The following JPH1 variants were observed in gnomAD, a reference collection of about 807,000 sequenced individuals.
The protein encoded by JPH1 is junctophilin-1.
JPH1 carries 12 observed loss-of-function variants against 53.6 expected under a neutral mutation model. The observed-to-expected ratio is 0.22, with a 90% CI of 0.14 to 0.36. The LOEUF (loss-of-function observed/expected upper bound fraction) is 0.36, where lower values mean the gene tolerates loss of function less well. Ranked by LOEUF, JPH1 falls within the 10% of genes least tolerant of loss-of-function variation. The pLI, the probability that JPH1 is intolerant of heterozygous loss-of-function variation, is 1.00. For missense variants in JPH1, 808 were observed against 905.5 expected (o/e 0.89, Z 1.38); for synonymous variants, 375 against 363.8 (o/e 1.03, Z -0.35).
At chr8:74,312,254 T>C (rs1032944336) in intron 2 of JPH1, among the ~76,000 whole-genome samples, 2 of 134,738 alleles carry the variant, frequency 1.5e-5, no homozygotes, top group African/African-American at 8.0e-5. Flanking sequence ...TAACAAATTC[T>C]TTTTTTGTTT....
intron 2 of JPH1, among the ~76,000 whole-genome samples, chr8:74,272,080 T>G (rs888201345): frequency 3.3e-5 from 5 of 152,216 alleles, no homozygotes; most frequent in Non-Finnish European, 5.9e-5. Context: ...CTGCTGTCCT[T>G]GTCTTCCTAG....
intron 2 of JPH1, among the ~76,000 whole-genome samples, chr8:74,306,979 T>TAAATGCATATGCCA (rs6150660): frequency 6.6e-6 from 1 of 152,042 alleles, no homozygotes; most frequent in African/African-American, 2.4e-5. Context: ...TAACTTGATA[T>TAAATGCATATGCCA]TTCCTTGCTC....
chr8:74,250,518 C>T (rs892525779), intron 3 of JPH1, among the ~76,000 whole-genome samples: 32 of 152,366 alleles, frequency 2.1e-4, no homozygotes, highest in Non-Finnish European at 3.1e-4. Flanking sequence ...GCCCCGGTCC[C>T]CCCTGCTTCC....
At chr8:74,260,823 T>C (rs1350839403) in intron 2 of JPH1, among the ~76,000 whole-genome samples, 1 of 152,216 alleles carries the variant, frequency 6.6e-6, no homozygotes, top group Non-Finnish European at 1.5e-5. Context: ...GGGACTCCTT[T>C]CACTTCTATT....
intron 2 of JPH1, among the ~76,000 whole-genome samples, chr8:74,308,331 G>A (rs1056812009): frequency 1.3e-5 from 2 of 152,166 alleles, no homozygotes; most frequent in African/African-American, 4.8e-5. Context: ...GTTATGTCCT[G>A]TAACAATGTT....
At position 74,273,015 on chromosome 8, in the gene JPH1, T is replaced by C. The variant is rs369729343; in HGVS notation, c.1140-13512A>G. Among the ~76,000 whole-genome samples the C allele has an allele frequency of 2.2e-4, 33 of 152,354 alleles. No individual in the cohort carries two copies. The East Asian group carries it at 4.2e-3, about 20-fold the overall frequency. ...GAAAACAGTTTGTCTATCTTGGCTC[T>C]CAAAGTCTGAAATTAATGTTTAAAC... On this transcript the variant is annotated intron_variant, in intron 2 of 5. Transcript: ENST00000342232.
chr8:74,319,266 G>A (rs762975597), intron 1 of JPH1, among the ~76,000 whole-genome samples: 4 of 152,254 alleles, frequency 2.6e-5, no homozygotes, highest in Non-Finnish European at 4.4e-5. Flanking sequence ...CAAAACTGAA[G>A]AGAACCATCC....
chr8:74,317,933 T>TACA (rs1236864247), intron 1 of JPH1, among the ~76,000 whole-genome samples: 2 of 152,166 alleles, frequency 1.3e-5, no homozygotes, highest in African/African-American at 4.8e-5. Flanking sequence ...AGTCTCTGCT[T>TACA]AACTGTCAAA....
chr8:74,283,099 G>A (rs1388230065), intron 2 of JPH1, among the ~76,000 whole-genome samples: 2 of 152,140 alleles, frequency 1.3e-5, no homozygotes, highest in Admixed American at 6.5e-5. Flanking sequence ...GGGGAGCAGC[G>A]AGTAAAACGT....
intron 3 of JPH1, among the ~76,000 whole-genome samples, chr8:74,251,896 G>T (rs1208785145): frequency 2.0e-5 from 3 of 152,138 alleles, no homozygotes; most frequent in Non-Finnish European, 4.4e-5. Flanking sequence ...AAAGCTGGAG[G>T]CATCACGCTA....
intron 3 of JPH1, 94 bp downstream of exon 3, chr8:74,259,291 A>C: frequency 1.0e-6 from 1 of 960,564 alleles, no homozygotes; most frequent in Non-Finnish European, 1.6e-6. Flanking sequence ...GCTGGGATTC[A>C]GGAAGCACAC....
intron 2 of JPH1, among the ~76,000 whole-genome samples, chr8:74,300,502 C>T (rs1807648535): frequency 6.6e-6 from 1 of 152,156 alleles, no homozygotes; most frequent in Non-Finnish European, 1.5e-5. Context: ...CTGATATAAA[C>T]AAGAATAACT....
At chr8:74,251,325 T>A (rs191282860) in intron 3 of JPH1, among the ~76,000 whole-genome samples, 5 of 152,314 alleles carry the variant, frequency 3.3e-5, no homozygotes, top group Non-Finnish European at 4.4e-5. Flanking sequence ...TACAAGGAAA[T>A]CCTGTGGTTC....
intron 3 of JPH1, among the ~76,000 whole-genome samples, chr8:74,251,109 A>G (rs1806038423): frequency 6.6e-6 from 1 of 152,170 alleles, no homozygotes; most frequent in South Asian, 2.1e-4. Flanking sequence ...AAAGCCATAT[A>G]CCATGGCCAT....
chr8:74,270,987 C>T (rs948836461), intron 2 of JPH1, among the ~76,000 whole-genome samples: 9 of 152,182 alleles, frequency 5.9e-5, no homozygotes, highest in African/African-American at 2.2e-4. Context: ...TCCTGGACTC[C>T]ATTCCTTAGT....
At chr8:74,314,525 A>C (rs1808082706) in intron 2 of JPH1, among the ~76,000 whole-genome samples, 2 of 136,014 alleles carry the variant, frequency 1.5e-5, no homozygotes, top group African/African-American at 5.5e-5. Flanking sequence ...GGTCCTTCTT[A>C]CAAAAAAAAG....
intron 3 of JPH1, among the ~76,000 whole-genome samples, chr8:74,257,664 A>G (rs966598292): frequency 1.1e-4 from 17 of 152,186 alleles, no homozygotes; most frequent in African/African-American, 3.6e-4. Flanking sequence ...GTATGAGTTC[A>G]TTTCACGCCA....
At chr8:74,251,626 T>C (rs562003740) in intron 3 of JPH1, among the ~76,000 whole-genome samples, 28 of 152,212 alleles carry the variant, frequency 1.8e-4, no homozygotes, top group African/African-American at 5.3e-4. Context: ...TATTATTTTA[T>C]TTAAAATTTT....
chr8:74,311,369 G>A (rs1315792380), intron 2 of JPH1, among the ~76,000 whole-genome samples: 1 of 152,140 alleles, frequency 6.6e-6, no homozygotes, highest in Non-Finnish European at 1.5e-5. Context: ...CAACCATAGA[G>A]GGGTCAGATA....
Sources: gnomAD v4.1 joint callset for allele counts (sites outside exome capture counted in the v4.1 genomes callset) on GRCh38, gnomAD v4.1.1 for gene constraint, MANE v1.5 for transcripts, NCBI Gene and HGNC (gene_info 2026-07-23, HGNC 2026-07-21) for gene names.